SMIM20: variants seen among roughly 807,000 people sequenced by gnomAD.
The protein encoded by SMIM20 is small integral membrane protein 20.
A neutral mutation model predicts 8.7 loss-of-function variants in SMIM20; 3 were observed. That is an observed-to-expected ratio of 0.34 (90% CI 0.16 to 0.89). The LOEUF (loss-of-function observed/expected upper bound fraction) is 0.89, where lower values mean the gene tolerates loss of function less well. Among genes scored for constraint, SMIM20 ranks in the 40% least tolerant of loss-of-function variants. The pLI, the probability that SMIM20 is intolerant of heterozygous loss-of-function variation, is 0.49. For synonymous variants in SMIM20, 44 were observed against 33.6 expected (o/e 1.31, Z -1.07); for missense variants, 85 against 84.8 (o/e 1.00, Z -0.01).
At chr4:25,919,537 G>T (rs574672202) in intron 1 of SMIM20, among the ~76,000 whole-genome samples, 264 of 151,842 alleles carry the variant, frequency 1.7e-3, no homozygotes, top group South Asian at 4.4e-3. Context: ...TAGTAGAGAT[G>T]GGCTTTCACC....
chr4:25,923,764 G>C (rs1224177427), intron 1 of SMIM20, among the ~76,000 whole-genome samples: 1 of 152,236 alleles, frequency 6.6e-6, no homozygotes, highest in East Asian at 1.9e-4. Flanking sequence ...TACCTTGTCA[G>C]GGCATTTTCC....
chr4:25,928,985 G>T (rs779532771), intron 2 of SMIM20, among the ~76,000 whole-genome samples, 169 bp from the exon 3 acceptor site: 1 of 152,190 alleles, frequency 6.6e-6, no homozygotes, highest in Non-Finnish European at 1.5e-5. Flanking sequence ...TGGCAGCCAT[G>T]GCTTCCTGGC....
At chr4:25,925,751 TCA>T (rs1205333206) in intron 1 of SMIM20, among the ~76,000 whole-genome samples, 4 of 152,362 alleles carry the variant, frequency 2.6e-5, no homozygotes, top group East Asian at 3.9e-4. Context: ...AAGTAACAAG[TCA>T]CACAGTCGAT....
chr4:25,914,220 C>A lies in SMIM20; in HGVS notation c.-94C>A. On this transcript the variant is annotated 5_prime_UTR_variant, in exon 1 of 3. Transcript: ENST00000506197. ...GGCCCGGAAGCGAAAGCCTCTCCAC[C>A]TCTTCCGAGCGGGGTCACGGCCCGG... 1 of 1,496,364 alleles carries A rather than the reference C, an allele frequency of 6.7e-7. No homozygotes were observed. The allele number at this position is 1,496,364 out of a possible 1,614,324, so 92.7% of individuals were successfully genotyped here. A position where few individuals can be genotyped will look rare whatever the true frequency, so the allele number is the denominator to read the frequency against.
intron 1 of SMIM20, among the ~76,000 whole-genome samples, chr4:25,923,358 T>C (rs1719232643): frequency 6.6e-6 from 1 of 152,206 alleles, no homozygotes; most frequent in South Asian, 2.1e-4. Flanking sequence ...TTAGACAGAA[T>C]AAGATCATTT....
intron 2 of SMIM20, among the ~76,000 whole-genome samples, chr4:25,928,814 A>G (rs1711580117): frequency 6.6e-6 from 1 of 152,242 alleles, no homozygotes; most frequent in African/African-American, 2.4e-5. Context: ...AGTTCCTTTC[A>G]GAGGATCCAA....
At chr4:25,918,453 A>G (rs1327158186) in intron 1 of SMIM20, among the ~76,000 whole-genome samples, 1 of 152,044 alleles carries the variant, frequency 6.6e-6, no homozygotes, top group South Asian at 2.1e-4. Flanking sequence ...AATTATCTTT[A>G]TCTCCACTGT....
At chr4:25,917,192 C>A (rs1719105868) in intron 1 of SMIM20, among the ~76,000 whole-genome samples, 1 of 151,798 alleles carries the variant, frequency 6.6e-6, no homozygotes, top group African/African-American at 2.4e-5. Flanking sequence ...TCTAAGGGGG[C>A]AAGAAAAGGC....
chr4:25,927,118 T>C (rs537392917), intron 1 of SMIM20, among the ~76,000 whole-genome samples: 5 of 152,346 alleles, frequency 3.3e-5, no homozygotes, highest in South Asian at 4.1e-4. Flanking sequence ...TTGCCATTCA[T>C]CCGCTACTTT....
intron 1 of SMIM20, among the ~76,000 whole-genome samples, chr4:25,918,361 T>C (rs1560386746): frequency 6.6e-6 from 1 of 152,242 alleles, no homozygotes; most frequent in East Asian, 1.9e-4. Context: ...TCTGTTTGTA[T>C]TTGGATGTCC....
intron 1 of SMIM20, among the ~76,000 whole-genome samples, chr4:25,923,868 T>C (rs1719242699): frequency 6.6e-6 from 1 of 152,238 alleles, no homozygotes; most frequent in African/African-American, 2.4e-5. Context: ...GTTTTCTAAC[T>C]GGCATTACAC....
At chr4:25,920,770 TAC>T (rs1487786903) in intron 1 of SMIM20, among the ~76,000 whole-genome samples, 8 of 152,364 alleles carry the variant, frequency 5.3e-5, no homozygotes, top group Non-Finnish European at 8.8e-5. Flanking sequence ...AAATCTTTTA[TAC>T]AGTGTTTTTA....
chr4:25,919,630 G>A (rs1719164145), intron 1 of SMIM20, among the ~76,000 whole-genome samples: 1 of 152,192 alleles, frequency 6.6e-6, no homozygotes, highest in African/African-American at 2.4e-5. Context: ...TTACAGGCAT[G>A]AGCCACTGCA....
chr4:25,921,719 G>T (rs1719205860), intron 1 of SMIM20, among the ~76,000 whole-genome samples: 1 of 152,182 alleles, frequency 6.6e-6, no homozygotes, highest in African/African-American at 2.4e-5. Context: ...GTAGGTAAGG[G>T]TTCCCAGGCA....
chr4:25,915,896 G>A (rs896632342), intron 1 of SMIM20, among the ~76,000 whole-genome samples: 3 of 151,038 alleles, frequency 2.0e-5, no homozygotes, highest in African/African-American at 7.3e-5. Context: ...GTTTCTTGTG[G>A]ATAGATGCCA....
chr4:25,914,437 A>C lies in SMIM20; in HGVS notation c.109+15A>C. ...GGAGGAGTACAGTGAGTGATCTCTAACCCCTTGCGGTGACCTGACTCCCCA... is the reference window on the plus strand; with the variant it reads ...GGAGGAGTACAGTGAGTGATCTCTACCCCCTTGCGGTGACCTGACTCCCCA... On this transcript the variant is annotated intron_variant, in intron 1 of 2. Coordinates refer to ENST00000506197, the MANE Select transcript of SMIM20 (RefSeq NM_001145432.3). 6.8e-7 allele frequency: 1 copy of C among 1,463,480 alleles called. No homozygotes were observed. Among genetic ancestry groups the C allele is most frequent in the East Asian group, 2.6e-5 (1 of 39,034 alleles). The allele number at this position is 1,463,480 out of a possible 1,614,324, so 90.7% of individuals were successfully genotyped here.
intron 1 of SMIM20, among the ~76,000 whole-genome samples, chr4:25,915,452 G>T (rs892446041): frequency 6.6e-6 from 1 of 152,220 alleles, no homozygotes; most frequent in Admixed American, 6.5e-5. Context: ...GAAGGCGAAA[G>T]CTCCGTGTAA....
At position 25,929,233 on chromosome 4, in the gene SMIM20, A is replaced by T. The variant is rs1252847953; in HGVS notation, c.*42A>T. The T allele has an allele frequency of 6.5e-7, 1 of 1,549,342 alleles. No individual in the cohort carries two copies. The highest frequency in any genetic ancestry group is 1.4e-5 in the African/African-American group (1 of 73,126). On this transcript the variant is annotated 3_prime_UTR_variant, in exon 3 of 3. Transcript: ENST00000506197. ...TCTGATTAAGAAAGGAGATTTCTTC[A>T]TGCTTTCGATTCTGCATGGGGTACA...
At position 25,926,016 on chromosome 4, in the gene SMIM20, G is replaced by A. The variant is rs115059876; in HGVS notation, c.110-2297G>A. 1.2e-3 allele frequency among the ~76,000 whole-genome samples: 184 copies of A among 152,206 alleles called. 2 individuals carry two copies. The Middle Eastern group carries it at 0.024, about 20-fold the overall frequency. ...ACTGGAGTGGGGAGTTTTTTAACCC[G>A]GTGTGCCATATTTGGGTTTAAATTA... On this transcript the variant is annotated intron_variant, in intron 1 of 2. Transcript: ENST00000506197.
Sources: allele counts gnomAD v4.1 joint callset (sites outside exome capture counted in the v4.1 genomes callset), GRCh38; gene constraint gnomAD v4.1.1; transcripts MANE v1.5; gene names NCBI Gene and HGNC (gene_info 2026-07-23, HGNC 2026-07-21).